The following MNX1 variants were observed in gnomAD, a reference collection of about 807,000 sequenced individuals.
MNX1 encodes the protein motor neuron and pancreas homeobox 1.
In MNX1, 2 loss-of-function variants were observed where a neutral mutation model predicts 17.3. That is an observed-to-expected ratio of 0.12 (90% CI 0.05 to 0.36). MNX1 has a LOEUF of 0.36. Ranked by LOEUF, MNX1 falls within the 10% of genes least tolerant of loss-of-function variation. The pLI is 1.00. For missense variants in MNX1, 556 were observed against 564.7 expected, an observed-to-expected ratio of 0.98 and a Z score of 0.16; for synonymous variants, 306 against 283.1, an observed-to-expected ratio of 1.08 and a Z score of -0.81.
At position 157,009,932 on chromosome 7, in the gene MNX1, C is replaced by A; in HGVS notation, c.419G>T (p.Gly140Val). ...AAAAAGGLALGLHPGGAQGGA... is the reference protein window; with the variant it reads ...AAAAAGGLALVLHPGGAQGGA... ...GCCCTGCGCGCCCCCAGGGTGCAGC[C>A]CCAGCGCCAGGCCCCCAGCGGCGGC... The change falls in exon 1 of 3, where the codon GGG becomes GTG. Residue 140 changes from glycine (G) to valine (V), a missense_variant. This residue lies in a region of MNX1 where 210 missense variants were observed against 211.3 expected (regional missense o/e 0.99). Coordinates refer to ENST00000252971, the MANE Select transcript of MNX1 (RefSeq NM_005515.4). 8.9e-7 allele frequency: 1 copy of A among 1,123,888 alleles called. No homozygotes were observed. The highest frequency in any genetic ancestry group is 1.1e-6 in the Non-Finnish European group (1 of 923,672). The allele number at this position is 1,123,888 out of a possible 1,614,324, so 69.6% of individuals were successfully genotyped here.
chr7:157,005,650 T>G lies in MNX1; in HGVS notation c.1076A>C (p.Asp359Ala), dbSNP rs1447322623. Residue 359 changes from aspartate to alanine, a missense_variant, in exon 3 of 3, where the codon GAC (aspartate) becomes GCC (alanine). Transcript: ENST00000252971. ...ATGGTCCTCGTCGTCCTCGTCCTCG[T>G]CCTCCTCGGGGTCACTGTCCCTCAA... Reference protein sequence around the residue: ...RDLRDSDPEEDEDEDDEDHFP... With the variant: ...RDLRDSDPEEAEDEDDEDHFP... The G allele has an allele frequency of 2.5e-6, 4 of 1,597,302 alleles. No homozygotes were observed. The highest frequency in any genetic ancestry group is 3.4e-6 in the Non-Finnish European group (4 of 1,171,784).
Position 157,009,970 on chromosome 7 carries a change from G to T in MNX1, c.381C>A (p.Ala127=). 1.0e-6 allele frequency: 1 copy of T among 983,708 alleles called. No homozygotes were observed. The highest frequency in any genetic ancestry group is 4.6e-5 in the South Asian group (1 of 21,874). The allele number at this position is 983,708 out of a possible 1,614,324, so 60.9% of individuals were successfully genotyped here. The change falls in exon 1 of 3, where the codon GCC becomes GCA. Residue 127 remains alanine (A), a synonymous_variant. Transcript: ENST00000252971. ...CCCCAGCGGCGGCGGCGGCGGCGGC[G>T]GCGGCGGCAGCGGCCGCTGCGCCCG... ...AHPGAAAAAA[A]AAAAAAAGGL... is the part of the protein sequence containing the mutation.
rs1385332405 is a variant in MNX1, at chr7:157,009,901, C to G, written c.450G>C (p.Ala150=). The change falls in exon 1 of 3, where the codon GCG becomes GCC. Residue 150 remains alanine, a synonymous_variant. Transcript: ENST00000252971. ...GLHPGGAQGG[A]GLPAQAALYG... Reference sequence around the variant, plus strand: ...AGAGCGCCGCCTGCGCCGGGAGGCCCGCGCCGCCCTGCGCGCCCCCAGGGT... The same window carrying G: ...AGAGCGCCGCCTGCGCCGGGAGGCCGGCGCCGCCCTGCGCGCCCCCAGGGT... The G allele has an allele frequency of 7.4e-7, 1 of 1,346,122 alleles. No homozygotes were observed. Among genetic ancestry groups the G allele is most frequent in the African/African-American group, 1.6e-5 (1 of 64,164 alleles). 83.4% of individuals were successfully genotyped at this position (1,346,122 alleles called of 1,614,324 possible).
At chr7:157,009,484 C>G (rs1378251137) in intron 1 of MNX1, 176 bp downstream of exon 1, 65 of 1,435,202 alleles carry the variant, frequency 4.5e-5, no homozygotes, top group Non-Finnish European at 5.5e-5. Context: ...ATTCGCTGCC[C>G]GTCTCATGCC....
Position 157,005,429 on chromosome 7 carries a change from C to G in MNX1, c.*91G>C. The G allele has an allele frequency of 7.5e-6, 7 of 937,014 alleles. No homozygotes were observed. The highest frequency in any genetic ancestry group is 9.4e-6 in the Non-Finnish European group (7 of 741,500). The allele number at this position is 937,014 out of a possible 1,614,324, so 58.0% of individuals were successfully genotyped here. A position where few individuals can be genotyped will look rare whatever the true frequency, so the allele number is the denominator to read the frequency against. Reference sequence around the variant, plus strand: ...CGGCGGTCGAGCCTGCTCTCGGGGCCGGGCCGGGTGGGTGCGGGCGCCGGG... The same window carrying G: ...CGGCGGTCGAGCCTGCTCTCGGGGCGGGGCCGGGTGGGTGCGGGCGCCGGG... On this transcript the variant is annotated 3_prime_UTR_variant, in exon 3 of 3. Coordinates refer to ENST00000252971, the MANE Select transcript of MNX1 (RefSeq NM_005515.4).
rs1179332706 is a variant in MNX1 at position 157,004,937 on chromosome 7, TTTC to T, written c.*580_*582del. The T allele has an allele frequency of 4.9e-6, 1 of 205,262 alleles. No homozygotes were observed. The highest frequency in any genetic ancestry group is 2.3e-5 in the African/African-American group (1 of 43,638). The allele number at this position is 205,262 out of a possible 1,614,324, so 12.7% of individuals were successfully genotyped here. ...ATAATTTAGCATGCATACGTAGACG[TTTC>T]TTTTTATATATAAATACAATATACA... On this transcript the variant is annotated 3_prime_UTR_variant, in exon 3 of 3. Coordinates refer to ENST00000252971, the MANE Select transcript of MNX1 (RefSeq NM_005515.4). This position sits in a 1 kb window ranked among gnomAD's most constrained non-coding sequence, Gnocchi z 6.2.
intron 1 of MNX1, chr7:157,009,389 A>T (rs1164581232): frequency 7.0e-7 from 1 of 1,422,890 alleles, no homozygotes; most frequent in Admixed American, 2.9e-5. Context: ...CGGGTTAATC[A>T]TTAGATCTCA....
At chr7:157,009,434 G>A (rs564531836) in intron 1 of MNX1, 1 of 1,429,954 alleles carries the variant, frequency 7.0e-7, no homozygotes, top group Non-Finnish European at 9.1e-7. Flanking sequence ...CCCGTTAAGA[G>A]AGGAAGAGAA....
In MNX1 at chr7:157,005,486, C is replaced by G; in HGVS notation, c.*34G>C. ...GGGAGAAGCCGCCGGCCGGGGCGCT[C>G]CGTGCGCGCCGCACCTGCTGGGCCG... On this transcript the variant is annotated 3_prime_UTR_variant, in exon 3 of 3. Transcript: ENST00000252971. 1 of 1,260,668 alleles carries G rather than the reference C, an allele frequency of 7.9e-7. No individual in the cohort carries two copies. The allele number at this position is 1,260,668 out of a possible 1,614,324, so 78.1% of individuals were successfully genotyped here.
intron 1 of MNX1, chr7:157,008,790 G>T: frequency 1.7e-6 from 1 of 596,584 alleles, no homozygotes; most frequent in South Asian, 2.1e-5. Context: ...TGACCCCGAT[G>T]GGGCGAGCGG....
intron 1 of MNX1, chr7:157,008,425 C>G (rs570096075): frequency 6.6e-6 from 1 of 152,520 alleles, no homozygotes; most frequent in East Asian, 1.9e-4. Context: ...AGGGCTGACT[C>G]TCCCAGGTGA....
At chr7:157,008,985 G>C in intron 1 of MNX1, 1 of 1,536,948 alleles carries the variant, frequency 6.5e-7, no homozygotes, top group Non-Finnish European at 8.7e-7. Context: ...CACCTTGGAG[G>C]GGCATTCGTT....
At chr7:157,008,904 G>A (rs1333339590) in intron 1 of MNX1, 3 of 1,356,996 alleles carry the variant, frequency 2.2e-6, no homozygotes, top group South Asian at 1.3e-5. Flanking sequence ...GAGGTGTCCC[G>A]CCCGGATGGA....
At position 157,005,289 on chromosome 7, in the gene MNX1, C is replaced by T. The variant is rs1805568621; in HGVS notation, c.*231G>A. On this transcript the variant is annotated 3_prime_UTR_variant, in exon 3 of 3. Transcript: ENST00000252971. Reference sequence around the variant, plus strand: ...TTCAAGTTTCAGCCCCCTGGGTCTCCCTCTCGCTGTTTCTTGAAGAGCAGG... The same window carrying T: ...TTCAAGTTTCAGCCCCCTGGGTCTCTCTCTCGCTGTTTCTTGAAGAGCAGG... 1.1e-5 allele frequency: 3 copies of T among 278,942 alleles called. No homozygotes were observed. The highest frequency in any genetic ancestry group is 1.1e-4 in the East Asian group (2 of 18,086). The allele number at this position is 278,942 out of a possible 1,614,324, so 17.3% of individuals were successfully genotyped here.
chr7:157,005,828 T>C lies in MNX1; in HGVS notation c.898A>G (p.Lys300Glu). The change falls in exon 3 of 3, where the codon AAA becomes GAA. Residue 300 changes from lysine (K) to glutamate (E), a missense_variant. Transcript: ENST00000252971. ...QNRRMKWKRS[K>E]KAKEQAAQEA... The stretch of plus-strand genomic sequence containing the variant: ...TGCGCCGCCTGCTCTTTGGCCTTTT[T>C]GCTGCGTTTCCATTTCATCCGCCGG... 6.2e-7 allele frequency: 1 copy of C among 1,612,464 alleles called. No homozygotes were observed. The highest frequency in any genetic ancestry group is 8.5e-7 in the Non-Finnish European group (1 of 1,179,824).
In MNX1 at chr7:157,005,452, G is replaced by A. The variant is rs1477435584; in HGVS notation, c.*68C>T. On this transcript the variant is annotated 3_prime_UTR_variant, in exon 3 of 3. Transcript: ENST00000252971. The stretch of plus-strand genomic sequence containing the variant: ...GCCGGGCCGGGTGGGTGCGGGCGCC[G>A]GGGCCTCCGGGAGAAGCCGCCGGCC... 7.9e-6 allele frequency: 9 copies of A among 1,137,514 alleles called. No individual in the cohort carries two copies. The highest frequency in any genetic ancestry group is 3.5e-5 in the East Asian group (1 of 28,808). The allele number at this position is 1,137,514 out of a possible 1,614,324, so 70.5% of individuals were successfully genotyped here.
chr7:157,008,007 G>C (rs762328559), intron 1 of MNX1: 1 of 152,258 alleles, frequency 6.6e-6, no homozygotes, highest in Non-Finnish European at 1.5e-5. Context: ...ACATTCCGCC[G>C]TCTTTGGCAC....
At chr7:157,009,589 C>A in intron 1 of MNX1, 71 bp downstream of exon 1, 1 of 1,565,226 alleles carries the variant, frequency 6.4e-7, no homozygotes. Context: ...CAGAGAGGGG[C>A]AGGCGGTGCC....
At position 157,006,208 on chromosome 7, in the gene MNX1, C is replaced by G; in HGVS notation, c.852+271G>C. 1 of 584,352 alleles carries G rather than the reference C, an allele frequency of 1.7e-6. No individual in the cohort carries two copies. The highest frequency in any genetic ancestry group is 3.0e-6 in the Non-Finnish European group (1 of 329,754). 36.2% of individuals were successfully genotyped at this position (584,352 alleles called of 1,614,324 possible). ...ACGTCGCGGTAAATCTCAGGATGTTCCCTCCTCTCTTTCTGGAACAAAATT... is the reference window on the plus strand; with the variant it reads ...ACGTCGCGGTAAATCTCAGGATGTTGCCTCCTCTCTTTCTGGAACAAAATT... On this transcript the variant is annotated intron_variant, in intron 2 of 2. Transcript: ENST00000252971. The surrounding 1 kb of genome is among the most constrained non-coding windows in gnomAD (Gnocchi z 6.3).
Sources: gnomAD v4.1 joint callset for allele counts on GRCh38, gnomAD v4.1.1 for gene constraint, gnomAD v4.1.1 regional missense constraint, Gnocchi (gnomAD v3.1) non-coding constraint, MANE v1.5 for transcripts, NCBI Gene and HGNC (gene_info 2026-07-23, HGNC 2026-07-21) for gene names.